The following COL21A1 variants were observed in gnomAD, a reference collection of about 807,000 sequenced individuals.
COL21A1 encodes collagen type XXI alpha 1 chain, also known as collagen alpha-1(XXI) chain.
In COL21A1, 149 loss-of-function variants were observed where a neutral mutation model predicts 137.9. The ratio of observed to expected loss-of-function variants is 1.08; its 90% CI spans 0.95 to 1.24. The LOEUF (loss-of-function observed/expected upper bound fraction) is 1.24. Ranked by LOEUF, COL21A1 falls within the 50% of genes most tolerant of loss-of-function variation. COL21A1 has a pLI of 0.00. For missense variants in COL21A1, 1,167 were observed against 1,158.4 expected, an observed-to-expected ratio of 1.01 and a Z score of -0.11; for synonymous variants, 456 against 391.5, an observed-to-expected ratio of 1.16 and a Z score of -1.95.
At chr6:56,208,552 T>C (rs1456437311) in intron 1 of COL21A1, among the ~76,000 whole-genome samples, 1 of 152,218 alleles carries the variant, frequency 6.6e-6, no homozygotes, top group Non-Finnish European at 1.5e-5. Flanking sequence ...AAACATTCCA[T>C]GCTCATGGAT....
intron 23 of COL21A1, 127 bp downstream of exon 23, chr6:56,067,168 A>C: frequency 1.3e-6 from 1 of 762,062 alleles, no homozygotes; most frequent in Non-Finnish European, 2.0e-6. Context: ...CAATAGCAAA[A>C]GGAGAAAATA....
At chr6:56,134,894 AACTTT>A (rs150414599) in intron 12 of COL21A1, among the ~76,000 whole-genome samples, 138 of 152,252 alleles carry the variant, frequency 9.1e-4, no homozygotes, top group African/African-American at 3.3e-3. Context: ...AGTCACATGG[AACTTT>A]AAGTCCATTA....
intron 16 of COL21A1, among the ~76,000 whole-genome samples, chr6:56,107,300 A>C (rs1173447258): frequency 6.6e-6 from 1 of 152,132 alleles, no homozygotes; most frequent in Non-Finnish European, 1.5e-5. Context: ...TTTGAAACAC[A>C]TTAAAGGCTC....
intron 1 of COL21A1, among the ~76,000 whole-genome samples, chr6:56,305,731 T>A (rs978005189): frequency 3.3e-5 from 5 of 152,122 alleles, no homozygotes; most frequent in African/African-American, 1.2e-4. Context: ...TTAGTCCATT[T>A]ACATTTAAGG....
chr6:56,259,802 A>T (rs976268137), intron 1 of COL21A1, among the ~76,000 whole-genome samples: 1 of 152,250 alleles, frequency 6.6e-6, no homozygotes. Flanking sequence ...GACATACAAT[A>T]TTGCTGCTAC....
At chr6:56,219,045 C>A (rs545876762) in intron 1 of COL21A1, among the ~76,000 whole-genome samples, 56 of 151,946 alleles carry the variant, frequency 3.7e-4, no homozygotes, top group Non-Finnish European at 6.3e-4. Context: ...TCAAAAATAT[C>A]ATCGTTTTGA....
intron 20 of COL21A1, among the ~76,000 whole-genome samples, chr6:56,073,687 C>G (rs1243066614): frequency 6.6e-6 from 1 of 151,394 alleles, no homozygotes; most frequent in Non-Finnish European, 1.5e-5. Context: ...TAATGACATT[C>G]AAAGAGTTTC....
intron 12 of COL21A1, among the ~76,000 whole-genome samples, chr6:56,136,272 A>G (rs756748276): frequency 5.9e-5 from 9 of 152,204 alleles, no homozygotes; most frequent in Non-Finnish European, 1.3e-4. Context: ...GATTTAAGCC[A>G]CAAGCATGTG....
intron 1 of COL21A1, among the ~76,000 whole-genome samples, chr6:56,233,689 C>T (rs1174164585): frequency 2.0e-5 from 3 of 150,900 alleles, no homozygotes; most frequent in African/African-American, 4.9e-5. Flanking sequence ...GCTAAATTAA[C>T]ATTTGATTCT....
intron 5 of COL21A1, among the ~76,000 whole-genome samples, chr6:56,169,726 T>C (rs993844926): frequency 2.6e-5 from 4 of 151,972 alleles, no homozygotes; most frequent in African/African-American, 4.8e-5. Context: ...AGATTTCCTC[T>C]TATTTTATGT....
chr6:56,354,299 G>A (rs909319722), intron 1 of COL21A1, among the ~76,000 whole-genome samples: 1 of 152,142 alleles, frequency 6.6e-6, no homozygotes, highest in Admixed American at 6.5e-5. Context: ...TACAGGTGTG[G>A]TTGTCCCATG....
intron 1 of COL21A1, among the ~76,000 whole-genome samples, chr6:56,301,974 C>A (rs112395140): frequency 6.6e-6 from 1 of 151,786 alleles, no homozygotes; most frequent in Non-Finnish European, 1.5e-5. Context: ...TGAGAACATG[C>A]GGTGTTTGGT....
At position 56,057,238 on chromosome 6, in the gene COL21A1, G is replaced by T; in HGVS notation, c.*419C>A. 1 of 247,320 alleles carries T rather than the reference G, an allele frequency of 4.0e-6. No homozygotes were observed. The highest frequency in any genetic ancestry group is 7.7e-6 in the Non-Finnish European group (1 of 129,488). The allele number at this position is 247,320 out of a possible 1,614,324, so 15.3% of individuals were successfully genotyped here. The stretch of plus-strand genomic sequence containing the variant: ...TCTTACTTCCAATGATGAGATACAT[G>T]TTTTGGCTTATGTAGTAGCATGAGC... On this transcript the variant is annotated 3_prime_UTR_variant, in exon 30 of 30. Coordinates refer to ENST00000244728, the MANE Select transcript of COL21A1 (RefSeq NM_030820.4).
chr6:56,184,448 AT>A (rs1294511761), intron 1 of COL21A1, among the ~76,000 whole-genome samples: 1 of 149,348 alleles, frequency 6.7e-6, no homozygotes, highest in Non-Finnish European at 1.5e-5. Flanking sequence ...ATGAAAAAAA[AT>A]AAGCAGAGAC....
chr6:56,180,276 G>A, intron 2 of COL21A1, 147 bp from the exon 3 acceptor site: 6 of 684,616 alleles, frequency 8.8e-6, no homozygotes, highest in Non-Finnish European at 1.1e-5. Context: ...ATGCTAACGT[G>A]AAATATTACA....
At chr6:56,132,027 C>T (rs1773592988) in intron 12 of COL21A1, among the ~76,000 whole-genome samples, 1 of 151,024 alleles carries the variant, frequency 6.6e-6, no homozygotes, top group East Asian at 1.9e-4. Context: ...ATCTAATAAC[C>T]TAAATGAGTA....
chr6:56,378,735 G>T (rs1026792235), intron 1 of COL21A1, among the ~76,000 whole-genome samples: 4 of 152,134 alleles, frequency 2.6e-5, no homozygotes, highest in African/African-American at 9.7e-5. Flanking sequence ...GCGAACATAC[G>T]CAATAGCCAG....
At chr6:56,093,435 T>C (rs1238836643) in intron 17 of COL21A1, among the ~76,000 whole-genome samples, 5 of 152,162 alleles carry the variant, frequency 3.3e-5, no homozygotes, top group Non-Finnish European at 5.9e-5. Flanking sequence ...TGTGAACCTA[T>C]AGACTACAGA....
At chr6:56,166,023 G>T (rs1336616645) in intron 7 of COL21A1, among the ~76,000 whole-genome samples, 1 of 151,166 alleles carries the variant, frequency 6.6e-6, no homozygotes, top group East Asian at 1.9e-4. Flanking sequence ...TAAATAAATA[G>T]AAACGCTGCT....
Sources: allele counts gnomAD v4.1 joint callset (sites outside exome capture counted in the v4.1 genomes callset), GRCh38; gene constraint gnomAD v4.1.1; transcripts MANE v1.5; gene names NCBI Gene and HGNC (gene_info 2026-07-23, HGNC 2026-07-21).